The following DPP6 variants were observed in gnomAD, a reference collection of about 807,000 sequenced individuals.
The protein encoded by DPP6 is dipeptidyl peptidase like 6.
DPP6 carries 69 observed loss-of-function variants against 122.6 expected under a neutral mutation model. That is an observed-to-expected ratio of 0.56 (90% CI 0.46 to 0.69). The LOEUF is 0.69. Among genes scored for constraint, DPP6 ranks in the 30% least tolerant of loss-of-function variants. The pLI is 0.00. For synonymous variants in DPP6, 418 were observed against 433.1 expected (o/e 0.97, Z 0.43); for missense variants, 928 against 1,116.9 (o/e 0.83, Z 2.41).
chr7:154,032,256 G>A (rs1180672524), intron 1 of DPP6, among the ~76,000 whole-genome samples: 2 of 152,114 alleles, frequency 1.3e-5, no homozygotes, highest in Non-Finnish European at 2.9e-5. Flanking sequence ...AGATAACTGG[G>A]ACAAGGACGT....
the DPP6 span, among the ~76,000 whole-genome samples, chr7:153,864,099 C>G: frequency 2.0e-5 from 3 of 152,140 alleles, no homozygotes; most frequent in African/African-American, 7.2e-5. Flanking sequence ...GGTATATACT[C>G]AGGATTGAAA....
chr7:154,208,599 A>C (rs1799578049), intron 1 of DPP6, among the ~76,000 whole-genome samples: 1 of 152,204 alleles, frequency 6.6e-6, no homozygotes, highest in Admixed American at 6.5e-5. Flanking sequence ...ATCCCCAACA[A>C]AAGAAAATGG....
intron 1 of DPP6, among the ~76,000 whole-genome samples, chr7:154,384,877 C>G (rs1813950037): frequency 6.6e-6 from 1 of 151,958 alleles, no homozygotes; most frequent in South Asian, 2.1e-4. Context: ...TACTCTGAAA[C>G]TGTTACAGAT....
chr7:154,653,948 A>G (rs934143183), intron 6 of DPP6, among the ~76,000 whole-genome samples: 4 of 146,738 alleles, frequency 2.7e-5, no homozygotes, highest in Non-Finnish European at 6.0e-5. Context: ...TGGAGATTCA[A>G]GCAACCTCCC....
At chr7:154,308,366 G>T (rs1168499363) in intron 1 of DPP6, among the ~76,000 whole-genome samples, 1 of 152,106 alleles carries the variant, frequency 6.6e-6, no homozygotes, top group East Asian at 1.9e-4. Context: ...GTTTTTTAAA[G>T]GATACTAAAT....
In DPP6 at chr7:154,889,450, T is replaced by TTTC; in HGVS notation, c.2378-7_2378-6insTTC. On this transcript the variant is annotated splice_polypyrimidine_tract_variant and splice_region_variant and intron_variant, in intron 24 of 25. Transcript: ENST00000377770. ...TTCCTCTCTTTTTTTTTTTTTTTTT[T>TTTC]GCACAGAAAAAATTCATTTCCAGCA... The TTTC allele has an allele frequency of 6.5e-7, 1 of 1,532,456 alleles. No individual in the cohort carries two copies. Among genetic ancestry groups the TTTC allele is most frequent in the East Asian group, 2.3e-5 (1 of 42,614 alleles). 94.9% of individuals were successfully genotyped at this position (1,532,456 alleles called of 1,614,324 possible).
intron 10 of DPP6, 133 bp downstream of exon 10, chr7:154,773,075 G>T (rs1289023775): frequency 8.3e-7 from 1 of 1,203,600 alleles, no homozygotes; most frequent in Non-Finnish European, 1.1e-6. Flanking sequence ...CTTTCCTAAA[G>T]ATTTCCTCAC....
chr7:154,484,029 G>T (rs1023358307), intron 3 of DPP6, among the ~76,000 whole-genome samples: 2 of 152,132 alleles, frequency 1.3e-5, no homozygotes, highest in Non-Finnish European at 2.9e-5. Context: ...ATTCACACAA[G>T]GTCAAGGTTA....
intron 1 of DPP6, among the ~76,000 whole-genome samples, chr7:153,960,683 A>G (rs952836954): frequency 1.3e-5 from 2 of 148,548 alleles, no homozygotes; most frequent in African/African-American, 2.5e-5. Flanking sequence ...ATGTGTGTAC[A>G]TGCGTGTGCA....
the DPP6 span, among the ~76,000 whole-genome samples, chr7:153,825,717 G>A: frequency 6.6e-6 from 1 of 151,964 alleles, no homozygotes; most frequent in Admixed American, 6.6e-5. Flanking sequence ...ACACCACAAC[G>A]CCCGGCAAAT....
intron 1 of DPP6, among the ~76,000 whole-genome samples, chr7:154,078,366 ACACAC>A (rs1803722863): frequency 6.6e-6 from 1 of 151,786 alleles, no homozygotes; most frequent in African/African-American, 2.4e-5. Context: ...ACACACACAC[ACACAC>A]ACACACACAC....
In DPP6 at chr7:154,795,773, C is replaced by T. The variant is rs760078188; in HGVS notation, c.1261-72C>T. The T allele has an allele frequency of 6.0e-4, 919 of 1,526,242 alleles. 1 individual carries two copies. The highest frequency in any genetic ancestry group is 7.5e-4 in the Non-Finnish European group (854 of 1,140,394). 94.5% of individuals were successfully genotyped at this position (1,526,242 alleles called of 1,614,324 possible). A position where few individuals can be genotyped will look rare whatever the true frequency, so the allele number is the denominator to read the frequency against. ...TGTTTCCTGCACTGTCGGTCACAGA[C>T]ACAATACATGCAAAAAAAAAAAAGA... On this transcript the variant is annotated intron_variant, in intron 11 of 25. Transcript: ENST00000377770.
chr7:154,509,480 T>C (rs1825896419), intron 3 of DPP6, among the ~76,000 whole-genome samples: 1 of 152,048 alleles, frequency 6.6e-6, no homozygotes, highest in South Asian at 2.1e-4. Flanking sequence ...AGATAACAAG[T>C]GTTGGTGAGA....
At chr7:154,872,389 C>T (rs925213476) in intron 18 of DPP6, among the ~76,000 whole-genome samples, 2 of 152,354 alleles carry the variant, frequency 1.3e-5, no homozygotes, top group East Asian at 3.9e-4. Context: ...CTCCCATATG[C>T]AAGACTGAAT....
chr7:153,844,159 G>T, the DPP6 span, among the ~76,000 whole-genome samples: 1 of 152,164 alleles, frequency 6.6e-6, no homozygotes, highest in Non-Finnish European at 1.5e-5. Context: ...CATTCTGGCA[G>T]TCCAACCTGG....
chr7:154,875,866 C>A lies in DPP6; in HGVS notation c.1884-40C>A. 1.9e-6 allele frequency: 3 copies of A among 1,576,972 alleles called. No individual in the cohort carries two copies. Among genetic ancestry groups the A allele is most frequent in the Non-Finnish European group, 1.7e-6 (2 of 1,162,724 alleles). ...CAGCTGCTAGACCAGCCGCCACCCA[C>A]CACGCAGCAGGCCTGCTGAGCCCGG... is the stretch of plus-strand genomic sequence containing the variant. On this transcript the variant is annotated intron_variant, in intron 19 of 25. Coordinates refer to ENST00000377770, the MANE Select transcript of DPP6 (RefSeq NM_130797.4). This position sits in a 1 kb window ranked among gnomAD's most constrained non-coding sequence, Gnocchi z 4.5.
At chr7:154,172,869 G>A (rs1190574321) in intron 1 of DPP6, among the ~76,000 whole-genome samples, 2 of 152,108 alleles carry the variant, frequency 1.3e-5, no homozygotes, top group Non-Finnish European at 2.9e-5. Context: ...CCAAATTGCT[G>A]GGATTACAAG....
chr7:154,648,264 G>A (rs544918824), intron 6 of DPP6, among the ~76,000 whole-genome samples: 594 of 142,888 alleles, frequency 4.2e-3, no homozygotes, highest in Middle Eastern at 0.018. Flanking sequence ...GCAAAACTCT[G>A]TCTAAAAAAA....
chr7:154,468,118 A>G (rs531581430), intron 2 of DPP6, among the ~76,000 whole-genome samples: 1 of 152,376 alleles, frequency 6.6e-6, no homozygotes, highest in South Asian at 2.1e-4. Context: ...TTATTCATCT[A>G]TAAAAAGGAA....
Sources: gnomAD v4.1 joint callset for allele counts (sites outside exome capture counted in the v4.1 genomes callset) on GRCh38, gnomAD v4.1.1 for gene constraint, Gnocchi (gnomAD v3.1) non-coding constraint, MANE v1.5 for transcripts, NCBI Gene and HGNC (gene_info 2026-07-23, HGNC 2026-07-21) for gene names.